The following SLF1 variants were observed in gnomAD, a reference collection of about 807,000 sequenced individuals.
The protein encoded by SLF1 is SMC5-SMC6 complex localization factor protein 1.
Under a neutral mutation model 123.0 loss-of-function variants are expected in SLF1, and 105 were observed. That is an observed-to-expected ratio of 0.85 (90% CI 0.73 to 1.00). The LOEUF is 1.00. Among genes scored for constraint, SLF1 ranks in the 50% least tolerant of loss-of-function variants. The pLI is 0.00. For missense variants in SLF1, 1,239 were observed against 1,223.0 expected, an observed-to-expected ratio of 1.01 and a Z score of -0.20; for synonymous variants, 434 against 406.6, an observed-to-expected ratio of 1.07 and a Z score of -0.81.
intron 13 of SLF1, 95 bp downstream of exon 13, chr5:94,670,374 A>G: frequency 1.0e-6 from 1 of 996,200 alleles, no homozygotes; most frequent in Non-Finnish European, 1.4e-6. Flanking sequence ...ATTTCTAAAA[A>G]GTCACCTTAT....
intron 8 of SLF1, 64 bp downstream of exon 8, chr5:94,653,485 T>C (rs1448586560): frequency 3.1e-6 from 4 of 1,310,204 alleles, no homozygotes; most frequent in Non-Finnish European, 4.1e-6. Context: ...TGATATAATC[T>C]AGATATATAA....
At chr5:94,653,614 G>A (rs1339563762) in intron 8 of SLF1, among the ~76,000 whole-genome samples, 193 bp downstream of exon 8, 1 of 152,128 alleles carries the variant, frequency 6.6e-6, no homozygotes, top group Non-Finnish European at 1.5e-5. Context: ...AGAAATCTGA[G>A]TTAATAATCA....
At chr5:94,637,752 G>A (rs977590647) in intron 4 of SLF1, among the ~76,000 whole-genome samples, 10 of 152,078 alleles carry the variant, frequency 6.6e-5, no homozygotes, top group African/African-American at 2.4e-4. Flanking sequence ...GTCTTTGGAT[G>A]TGTGTTAAGG....
At chr5:94,676,106 G>A (rs1179186687) in intron 14 of SLF1, among the ~76,000 whole-genome samples, 1 of 151,832 alleles carries the variant, frequency 6.6e-6, no homozygotes, top group African/African-American at 2.4e-5. Flanking sequence ...CCAACCTCTT[G>A]CTTCTTTCCT....
At chr5:94,629,992 AAG>A (rs1745031610) in intron 3 of SLF1, among the ~76,000 whole-genome samples, 1 of 152,206 alleles carries the variant, frequency 6.6e-6, no homozygotes, top group Non-Finnish European at 1.5e-5. Flanking sequence ...AGAAAAAAAA[AAG>A]AGTTGTTATA....
intron 15 of SLF1, among the ~76,000 whole-genome samples, chr5:94,686,306 T>C (rs1202047784): frequency 6.6e-6 from 1 of 152,226 alleles, no homozygotes. Context: ...CTAATCTGTA[T>C]ATATGTAATT....
intron 1 of SLF1, among the ~76,000 whole-genome samples, chr5:94,621,883 T>C (rs1279980521): frequency 6.7e-6 from 1 of 150,286 alleles, no homozygotes; most frequent in Non-Finnish European, 1.5e-5. Context: ...TTAATATTTA[T>C]ACACACACAC....
At chr5:94,629,926 C>T (rs775219317) in intron 3 of SLF1, among the ~76,000 whole-genome samples, 7 of 152,070 alleles carry the variant, frequency 4.6e-5, no homozygotes, top group South Asian at 2.1e-4. Flanking sequence ...AAAAGGATCA[C>T]TTGTGCCAAG....
intron 15 of SLF1, among the ~76,000 whole-genome samples, chr5:94,679,732 A>G (rs923264427): frequency 2.0e-5 from 3 of 152,168 alleles, no homozygotes; most frequent in African/African-American, 2.4e-5. Context: ...TTTTCTCCCC[A>G]TTACCTACTT....
At chr5:94,646,615 C>G (rs1382347527) in intron 5 of SLF1, among the ~76,000 whole-genome samples, 1 of 152,060 alleles carries the variant, frequency 6.6e-6, no homozygotes, top group Non-Finnish European at 1.5e-5. Flanking sequence ...GAGAGGCTAC[C>G]TAGGAATACT....
intron 11 of SLF1, 40 bp from the exon 12 acceptor site, chr5:94,665,821 G>C (rs1007774517): frequency 6.7e-7 from 1 of 1,485,490 alleles, no homozygotes; most frequent in Non-Finnish European, 9.1e-7. Context: ...ACTACTTTTA[G>C]CTATAGTGTT....
intron 5 of SLF1, 22 bp downstream of exon 5, chr5:94,643,457 C>T (rs1261679671): frequency 7.3e-7 from 1 of 1,362,956 alleles, no homozygotes; most frequent in Non-Finnish European, 9.7e-7. Context: ...AAATAGTAAA[C>T]ATTTTATTTT....
Position 94,653,371 on chromosome 5 carries a change from C to T in SLF1, c.982C>T (p.His328Tyr). 3.9e-6 allele frequency: 6 copies of T among 1,525,532 alleles called. No individual in the cohort carries two copies. Among genetic ancestry groups the T allele is most frequent in the Non-Finnish European group, 5.3e-6 (6 of 1,139,678 alleles). 94.5% of individuals were successfully genotyped at this position (1,525,532 alleles called of 1,614,324 possible). The change falls in exon 8 of 21, where the codon CAT (histidine) becomes TAT (tyrosine). Residue 328 changes from histidine (H) to tyrosine (Y), a missense_variant. His to Tyr is a moderately conservative substitution (Grantham distance 83). Transcript: ENST00000265140. ...KESNCKKGVE[H>Y]EKIKSTLRRH... ...AAGCAATTGCAAGAAAGGCGTTGAA[C>T]ATGAAAAAATAAAAAGTACCTTAAG...
At position 94,639,260 on chromosome 5, in the gene SLF1, G is replaced by A. The variant is rs189081937; in HGVS notation, c.432-4013G>A. On this transcript the variant is annotated intron_variant, in intron 4 of 20. Coordinates refer to ENST00000265140, the MANE Select transcript of SLF1 (RefSeq NM_032290.4). ...TCACCATGTTGGCCAGGCTGGTCTC[G>A]AACTTCTGACCTCAGGTGATTTGGC... 5.3e-5 allele frequency among the ~76,000 whole-genome samples: 8 copies of A among 152,018 alleles called. 1 individual carries two copies. The highest frequency in any genetic ancestry group is 2.1e-4 in the South Asian group (1 of 4,798).
At chr5:94,676,163 A>G (rs1332050729) in intron 14 of SLF1, among the ~76,000 whole-genome samples, 2 of 152,156 alleles carry the variant, frequency 1.3e-5, no homozygotes, top group African/African-American at 4.8e-5. Context: ...GTTGGAAGGA[A>G]CATTTTGTGG....
rs575746391 is a variant in SLF1, at chr5:94,696,204, T to C, written c.*892T>C. 6.6e-6 allele frequency: 1 copy of C among 151,936 alleles called. No homozygotes were observed. The highest frequency in any genetic ancestry group is 1.9e-4 in the East Asian group (1 of 5,154). 9.4% of individuals were successfully genotyped at this position (151,936 alleles called of 1,614,324 possible). On this transcript the variant is annotated 3_prime_UTR_variant, in exon 21 of 21. Coordinates refer to ENST00000265140, the MANE Select transcript of SLF1 (RefSeq NM_032290.4). ...GTGTGGATAATAACCACTTTTGAGATTGGAGTTTCTTCACTACTGGGAGTA... is the reference window on the plus strand; with the variant it reads ...GTGTGGATAATAACCACTTTTGAGACTGGAGTTTCTTCACTACTGGGAGTA...
At chr5:94,670,411 T>C in intron 13 of SLF1, 132 bp downstream of exon 13, 2 of 856,446 alleles carry the variant, frequency 2.3e-6, no homozygotes, top group Non-Finnish European at 3.3e-6. Flanking sequence ...GATTTGTTTT[T>C]AAAACATATT....
rs758687890 is a variant in SLF1 at position 94,670,233 on chromosome 5, T to G, written c.1615T>G (p.Phe539Val). 97 of 1,516,132 alleles carry G rather than the reference T, an allele frequency of 6.4e-5. No homozygotes were observed. Among genetic ancestry groups the G allele is most frequent in the Non-Finnish European group, 8.1e-5 (92 of 1,134,698 alleles). 93.9% of individuals were successfully genotyped at this position (1,516,132 alleles called of 1,614,324 possible). The change falls in exon 13 of 21, where the codon TTT (phenylalanine) becomes GTT (valine). Residue 539 changes from phenylalanine to valine, a missense_variant. Physicochemically the swap from Phe to Val is conservative, Grantham distance 50. Transcript: ENST00000265140. ...SKVLHLTLLKFFFNLIESEVQ... is the reference protein window; with the variant it reads ...SKVLHLTLLKVFFNLIESEVQ... Reference sequence around the variant, plus strand: ...GGTGCTCCACCTGACGCTACTCAAATTTTTCTTTAATTTAATTGAAAGTGA... The same window carrying G: ...GGTGCTCCACCTGACGCTACTCAAAGTTTTCTTTAATTTAATTGAAAGTGA...
chr5:94,638,196 T>A (rs533465418), intron 4 of SLF1, among the ~76,000 whole-genome samples: 70 of 152,206 alleles, frequency 4.6e-4, no homozygotes, highest in Non-Finnish European at 9.0e-4. Flanking sequence ...TTTATTTTTT[T>A]GAGACAGAGT....
Sources: allele counts gnomAD v4.1 joint callset (sites outside exome capture counted in the v4.1 genomes callset), GRCh38; gene constraint gnomAD v4.1.1; transcripts MANE v1.5; gene names NCBI Gene and HGNC (gene_info 2026-07-23, HGNC 2026-07-21).